MRPL16: variants seen among roughly 807,000 people sequenced by gnomAD.
The protein encoded by MRPL16 is large ribosomal subunit protein uL16m.
A neutral mutation model predicts 22.7 loss-of-function variants in MRPL16; 17 were observed. The ratio of observed to expected loss-of-function variants is 0.75; its 90% CI spans 0.51 to 1.12. MRPL16 has a LOEUF of 1.12. MRPL16 is among the 50% of genes most tolerant of loss of function. MRPL16 has a pLI of 0.00. For synonymous variants in MRPL16, 103 were observed against 112.8 expected (o/e 0.91, Z 0.55); for missense variants, 316 against 328.7 (o/e 0.96, Z 0.30).
chr11:59,806,942 A>T, intron 3 of MRPL16, 110 bp from the exon 4 acceptor site: 1 of 1,434,984 alleles, frequency 7.0e-7, no homozygotes, highest in Non-Finnish European at 9.3e-7. Context: ...ATTGAAAATA[A>T]AAATCTAAGT....
At chr11:59,810,329 A>T (rs1866160234) in intron 1 of MRPL16, 1 of 1,311,534 alleles carries the variant, frequency 7.6e-7, no homozygotes, top group Non-Finnish European at 9.7e-7. Context: ...CCGCCGGAGG[A>T]GTCTTGAGGT....
intron 3 of MRPL16, 67 bp downstream of exon 3, chr11:59,807,634 A>G (rs1262906915): frequency 6.6e-7 from 1 of 1,506,796 alleles, no homozygotes; most frequent in African/African-American, 1.4e-5. Flanking sequence ...AAATTATCTC[A>G]AGGAGTATGA....
Position 59,810,674 on chromosome 11 carries a change from G to A in MRPL16, c.-16C>T. On this transcript the variant is annotated 5_prime_UTR_variant, in exon 1 of 4. Transcript: ENST00000300151. ...GCCTCCACATGGTCACGGGCGTCCGGCGGCGCGGAGCTCCCCCAGCGACTC... is the reference window on the plus strand; with the variant it reads ...GCCTCCACATGGTCACGGGCGTCCGACGGCGCGGAGCTCCCCCAGCGACTC... 1 of 1,613,630 alleles carries A rather than the reference G, an allele frequency of 6.2e-7. No homozygotes were observed. The highest frequency in any genetic ancestry group is 1.3e-5 in the African/African-American group (1 of 75,066).
At position 59,807,853 on chromosome 11, in the gene MRPL16, A is replaced by G. The variant is rs1382854233; in HGVS notation, c.122-4T>C. ...GGTTTTTCAGGAATGGAAACATCTAAAAGAAGCACAGACAACCAGGATAAA... is the reference window on the plus strand; with the variant it reads ...GGTTTTTCAGGAATGGAAACATCTAGAAGAAGCACAGACAACCAGGATAAA... On this transcript the variant is annotated splice_region_variant and splice_polypyrimidine_tract_variant and intron_variant, in intron 2 of 3. Coordinates refer to ENST00000300151, the MANE Select transcript of MRPL16 (RefSeq NM_017840.4). 7 of 1,602,170 alleles carry G rather than the reference A, an allele frequency of 4.4e-6. No homozygotes were observed. In the Admixed American group the frequency reaches 8.7e-5, roughly 20 times the overall value.
rs1443660902 is a variant in MRPL16, at chr11:59,806,400, A to G, written c.703T>C (p.Leu235=). The stretch of plus-strand genomic sequence containing the variant: ...CCCCAGTATTTCCCCTTGTGGGTCA[A>G]GTCATATGGGCTCAGTACTTTCCGT... ...GIRKVLSPYD[L]THKGKYWGKF... Residue 235 remains leucine (L), a synonymous_variant, in exon 4 of 4, where the codon TTG becomes CTG. Coordinates refer to ENST00000300151, the MANE Select transcript of MRPL16 (RefSeq NM_017840.4). 8.1e-6 allele frequency: 13 copies of G among 1,614,080 alleles called. No individual in the cohort carries two copies. The highest frequency in any genetic ancestry group is 1.1e-5 in the Non-Finnish European group (13 of 1,180,036).
intron 1 of MRPL16, 127 bp downstream of exon 1, chr11:59,810,477 A>G (rs1866162699): frequency 2.0e-6 from 3 of 1,505,740 alleles, no homozygotes; most frequent in South Asian, 2.5e-5. Flanking sequence ...GCGGTGCGAT[A>G]GCGTAGTTCC....
intron 2 of MRPL16, 137 bp downstream of exon 2, chr11:59,809,718 C>A: frequency 1.2e-6 from 1 of 842,522 alleles, no homozygotes; most frequent in Non-Finnish European, 1.9e-6. Flanking sequence ...GTTGGCAAAA[C>A]TGTAAGCTCT....
At chr11:59,809,742 T>C (rs1866154004) in intron 2 of MRPL16, 113 bp downstream of exon 2, 3 of 912,342 alleles carry the variant, frequency 3.3e-6, no homozygotes, top group Non-Finnish European at 5.1e-6. Context: ...AACATATTTA[T>C]TGAAAGAGTG....
In MRPL16 at chr11:59,806,213, T is replaced by C. The variant is rs879580425; in HGVS notation, c.*134A>G. ...TTAAATCAACAAATAACATTGTTTT[T>C]CAGAAATCTACTCAAATGCTGCTCC... On this transcript the variant is annotated 3_prime_UTR_variant, in exon 4 of 4. Transcript: ENST00000300151. The C allele has an allele frequency of 3.1e-6, 3 of 958,868 alleles. No homozygotes were observed. Among genetic ancestry groups the C allele is most frequent in the Admixed American group, 2.4e-5 (1 of 40,944 alleles). The allele number at this position is 958,868 out of a possible 1,614,324, so 59.4% of individuals were successfully genotyped here.
rs143294379 is a variant in MRPL16, at chr11:59,806,266, G to C, written c.*81C>G. 4 of 1,496,130 alleles carry C rather than the reference G, an allele frequency of 2.7e-6. No homozygotes were observed. In the African/African-American group the frequency reaches 4.2e-5, roughly 16 times the overall value. 92.7% of individuals were successfully genotyped at this position (1,496,130 alleles called of 1,614,324 possible). On this transcript the variant is annotated 3_prime_UTR_variant, in exon 4 of 4. Coordinates refer to ENST00000300151, the MANE Select transcript of MRPL16 (RefSeq NM_017840.4). Reference sequence around the variant, plus strand: ...AGTTATGGCTTAAGAGCTACCCAAAGACTTCAGTGGGTAGGCTGAGGGGAA... The same window carrying C: ...AGTTATGGCTTAAGAGCTACCCAAACACTTCAGTGGGTAGGCTGAGGGGAA...
chr11:59,810,148 G>C, intron 1 of MRPL16: 1 of 647,106 alleles, frequency 1.5e-6, no homozygotes, highest in Non-Finnish European at 2.3e-6. Flanking sequence ...TGGGATTACA[G>C]TCGCCCACCA....
intron 2 of MRPL16, 75 bp downstream of exon 2, chr11:59,809,780 C>G: frequency 7.7e-7 from 1 of 1,298,528 alleles, no homozygotes; most frequent in South Asian, 1.2e-5. Context: ...CGAGAACATT[C>G]CTATGTCATC....
intron 2 of MRPL16, 68 bp from the exon 3 acceptor site, chr11:59,807,917 A>G: frequency 6.9e-7 from 1 of 1,444,526 alleles, no homozygotes; most frequent in Non-Finnish European, 9.3e-7. Context: ...TTTCCTAGAA[A>G]GATTTATAAC....
At chr11:59,810,380 C>T in intron 1 of MRPL16, 2 of 1,393,194 alleles carry the variant, frequency 1.4e-6, no homozygotes, top group Non-Finnish European at 1.9e-6. Context: ...AAGGCTCAGG[C>T]TCCGCAAAAG....
At chr11:59,806,914 T>C in intron 3 of MRPL16, 82 bp from the exon 4 acceptor site, 1 of 1,505,146 alleles carries the variant, frequency 6.6e-7, no homozygotes, top group Non-Finnish European at 8.9e-7. Flanking sequence ...TTCTAGTAAC[T>C]GTGGCTTCAA....
chr11:59,810,287 G>A (rs910648993), intron 1 of MRPL16: 3 of 1,268,558 alleles, frequency 2.4e-6, no homozygotes, highest in Non-Finnish European at 3.0e-6. Flanking sequence ...GCTATTAAAG[G>A]CGTGAGCCAC....
At position 59,806,589 on chromosome 11, in the gene MRPL16, C is replaced by T. The variant is rs758445490; in HGVS notation, c.514G>A (p.Val172Met). The T allele has an allele frequency of 4.3e-6, 7 of 1,614,242 alleles. No individual in the cohort carries two copies. Among genetic ancestry groups the T allele is most frequent in the Non-Finnish European group, 5.1e-6 (6 of 1,180,044 alleles). ...GCAACCTGGTCAAGGAAACCTTGCACTTCTTCAAATTCACAACGCCCACCC... is the reference window on the plus strand; with the variant it reads ...GCAACCTGGTCAAGGAAACCTTGCATTTCTTCAAATTCACAACGCCCACCC... ...EMGGRCEFEE[V>M]QGFLDQVAHK... is the part of the protein sequence containing the mutation. Residue 172 changes from valine to methionine, a missense_variant, in exon 4 of 4, where the codon GTG (valine) becomes ATG (methionine). Coordinates refer to ENST00000300151, the MANE Select transcript of MRPL16 (RefSeq NM_017840.4).
chr11:59,808,469 A>G (rs1399049999), intron 2 of MRPL16, among the ~76,000 whole-genome samples: 1 of 152,242 alleles, frequency 6.6e-6, no homozygotes, highest in Non-Finnish European at 1.5e-5. Flanking sequence ...ACACACCACT[A>G]TTACCCAGAT....
Position 59,806,773 on chromosome 11 carries a change from G to A in MRPL16, c.330C>T (p.Asn110=), listed in dbSNP as rs747513709. Reference sequence around the variant, plus strand: ...ACATGTTCTTGGGGTCCATAGAGCGGTTGATTGTCAGGCGCATCATTTCAA... The same window carrying A: ...ACATGTTCTTGGGGTCCATAGAGCGATTGATTGTCAGGCGCATCATTTCAA... ...GHFEMMRLTI[N]RSMDPKNMFA... The change falls in exon 4 of 4, where the codon AAC becomes AAT. Residue 110 remains asparagine (N), a synonymous_variant. Coordinates refer to ENST00000300151, the MANE Select transcript of MRPL16 (RefSeq NM_017840.4). The A allele has an allele frequency of 2.8e-5, 45 of 1,613,636 alleles. 2 individuals carry two copies. The South Asian group carries it at 4.8e-4, about 17-fold the overall frequency.
Sources: gnomAD v4.1 joint callset for allele counts (sites outside exome capture counted in the v4.1 genomes callset) on GRCh38, gnomAD v4.1.1 for gene constraint, MANE v1.5 for transcripts, NCBI Gene and HGNC (gene_info 2026-07-23, HGNC 2026-07-21) for gene names.